CCSER1: variants seen among roughly 807,000 people sequenced by gnomAD.
The protein encoded by CCSER1 is coiled-coil serine rich protein 1.
In CCSER1, 41 loss-of-function variants were observed where a neutral mutation model predicts 82.0. The observed-to-expected ratio is 0.50, with a 90% CI of 0.39 to 0.65. The LOEUF is 0.65. CCSER1 is among the 30% of genes least tolerant of loss of function. The probability of loss-of-function intolerance (pLI) is 0.00; values close to 1 mark genes in which losing one functional copy is unlikely to be tolerated. For synonymous variants in CCSER1, 414 were observed against 383.9 expected (o/e 1.08, Z -0.92); for missense variants, 1,119 against 1,064.2 (o/e 1.05, Z -0.72).
At chr4:90,974,072 A>G (rs900988853) in intron 9 of CCSER1, among the ~76,000 whole-genome samples, 2 of 151,550 alleles carry the variant, frequency 1.3e-5, no homozygotes, top group Non-Finnish European at 3.0e-5. Flanking sequence ...GTAGGAAATG[A>G]TGAGGCATTT....
At chr4:91,225,900 A>G (rs1738159561) in intron 10 of CCSER1, among the ~76,000 whole-genome samples, 1 of 151,974 alleles carries the variant, frequency 6.6e-6, no homozygotes, top group Admixed American at 6.6e-5. Flanking sequence ...CTGAGCTCAG[A>G]CTGCTATTGC....
chr4:91,153,970 A>C (rs1730535972), intron 10 of CCSER1, among the ~76,000 whole-genome samples: 1 of 151,912 alleles, frequency 6.6e-6, no homozygotes, highest in Non-Finnish European at 1.5e-5. Flanking sequence ...GACCCACTTG[A>C]GGAGGCAGTC....
intron 9 of CCSER1, among the ~76,000 whole-genome samples, chr4:90,979,517 G>A (rs1462007987): frequency 4.0e-5 from 6 of 151,282 alleles, no homozygotes; most frequent in South Asian, 2.1e-4. Flanking sequence ...TTATTTTTTC[G>A]TTATGCAAGT....
chr4:90,156,797 A>G (rs568047526), intron 1 of CCSER1, among the ~76,000 whole-genome samples: 7 of 152,282 alleles, frequency 4.6e-5, no homozygotes, highest in Admixed American at 3.9e-4. Context: ...TCCTGAATAC[A>G]GCACACTGAT....
chr4:91,018,705 C>T (rs11725835), intron 9 of CCSER1, among the ~76,000 whole-genome samples: 7,381 of 151,996 alleles, frequency 0.049, 531 homozygotes, highest in African/African-American at 0.16. Flanking sequence ...ATGTTTCAGA[C>T]ACCTGAGTCC....
intron 1 of CCSER1, among the ~76,000 whole-genome samples, chr4:90,290,425 T>TC (rs1219069554): frequency 1.3e-5 from 2 of 151,942 alleles, no homozygotes; most frequent in African/African-American, 4.8e-5. Context: ...AGGTTTTCCT[T>TC]CCAGTTTCTG....
rs561264792 is a variant in CCSER1, at chr4:90,166,159, G to C, written c.-42+38328G>C. Among the ~76,000 whole-genome samples the C allele has an allele frequency of 2.2e-4, 33 of 152,066 alleles. No homozygotes were observed. In the South Asian group the frequency reaches 6.7e-3, roughly 31 times the overall value. On this transcript the variant is annotated intron_variant, in intron 1 of 10. Coordinates refer to ENST00000509176, the MANE Select transcript of CCSER1 (RefSeq NM_001145065.2). ...CAGTACAGTATTTAATAAATTGCAT[G>C]AGCTATTCAAACGTTACTATAAAAG...
chr4:90,179,781 G>A (rs1479640156), intron 1 of CCSER1, among the ~76,000 whole-genome samples: 1 of 151,664 alleles, frequency 6.6e-6, no homozygotes, highest in Admixed American at 6.6e-5. Flanking sequence ...TTTCCTGAAT[G>A]CTTAACATAA....
At position 90,384,124 on chromosome 4, in the gene CCSER1, C is replaced by CATTTT. The variant is rs562501783; in HGVS notation, c.1510-15891_1510-15887dup. On this transcript the variant is annotated intron_variant, in intron 3 of 10. Transcript: ENST00000509176. ...TTGTTGTTTGTTTTTTTGGTGCAAT[C>CATTTT]ATTTTATTTTATTTTATTTTATTTT... Among the ~76,000 whole-genome samples, 1,147 of 151,250 alleles carry CATTTT rather than the reference C, an allele frequency of 7.6e-3. 17 individuals are homozygous for CATTTT. Among genetic ancestry groups the CATTTT allele is most frequent in the African/African-American group, 0.024 (991 of 41,224 alleles).
At chr4:90,372,995 C>T (rs1332976270) in intron 3 of CCSER1, among the ~76,000 whole-genome samples, 4 of 146,942 alleles carry the variant, frequency 2.7e-5, no homozygotes, top group African/African-American at 9.8e-5. Flanking sequence ...ATTAAGGACC[C>T]CAACTTTATT....
chr4:91,476,005 T>C (rs1422442808), intron 10 of CCSER1, among the ~76,000 whole-genome samples: 1 of 151,846 alleles, frequency 6.6e-6, no homozygotes, highest in Non-Finnish European at 1.5e-5. Context: ...TAATATATTA[T>C]TGTGTATGAC....
At chr4:90,653,475 A>G (rs1645728296) in intron 6 of CCSER1, among the ~76,000 whole-genome samples, 3 of 152,124 alleles carry the variant, frequency 2.0e-5, no homozygotes. Context: ...GTATTGAAGA[A>G]CCAATGAGAT....
intron 8 of CCSER1, among the ~76,000 whole-genome samples, chr4:90,893,197 A>C (rs1319337824): frequency 6.6e-6 from 1 of 152,046 alleles, no homozygotes; most frequent in Non-Finnish European, 1.5e-5. Flanking sequence ...TTCTAACAGA[A>C]AGTCCCACAC....
intron 5 of CCSER1, among the ~76,000 whole-genome samples, chr4:90,599,845 T>A (rs888021518): frequency 2.0e-5 from 3 of 152,208 alleles, no homozygotes; most frequent in Non-Finnish European, 2.9e-5. Context: ...GTCTCAGAAT[T>A]TTCTTGTGCC....
At chr4:90,683,983 C>T (rs61028750) in intron 6 of CCSER1, among the ~76,000 whole-genome samples, 98 of 152,132 alleles carry the variant, frequency 6.4e-4, no homozygotes, top group African/African-American at 2.0e-3. Context: ...CAAAAGATGC[C>T]TTCCCATGGC....
At chr4:91,583,661 A>C (rs1763844574) in intron 10 of CCSER1, among the ~76,000 whole-genome samples, 1 of 151,522 alleles carries the variant, frequency 6.6e-6, no homozygotes, top group Non-Finnish European at 1.5e-5. Flanking sequence ...TTGGTTTTTC[A>C]TGATGTCTTG....
chr4:90,204,865 TC>T (rs1351361603), intron 1 of CCSER1, among the ~76,000 whole-genome samples: 1 of 152,234 alleles, frequency 6.6e-6, no homozygotes, highest in African/African-American at 2.4e-5. Context: ...CTCTCTTATT[TC>T]TTTGAGCAGA....
intron 6 of CCSER1, chr4:90,683,176 C>T (rs560884177): frequency 2.0e-5 from 3 of 152,112 alleles, no homozygotes; most frequent in Non-Finnish European, 4.4e-5. Flanking sequence ...AAAACTTTCC[C>T]TTTAAGTTGC....
intron 10 of CCSER1, among the ~76,000 whole-genome samples, chr4:91,198,481 G>A (rs1735633878): frequency 6.6e-6 from 1 of 152,060 alleles, no homozygotes; most frequent in African/African-American, 2.4e-5. Context: ...TAAATGAGAG[G>A]GTTCTGTAGA....
Sources: allele counts gnomAD v4.1 joint callset (sites outside exome capture counted in the v4.1 genomes callset), GRCh38; gene constraint gnomAD v4.1.1; transcripts MANE v1.5; gene names NCBI Gene and HGNC (gene_info 2026-07-23, HGNC 2026-07-21).